BTBD9: variants seen among roughly 807,000 people sequenced by gnomAD.
BTBD9 encodes BTB/POZ domain-containing protein 9.
BTBD9 carries 49 observed loss-of-function variants against 64.3 expected under a neutral mutation model. The observed-to-expected ratio is 0.76, with a 90% confidence interval of 0.61 to 0.97. BTBD9 has a LOEUF of 0.97. Among genes scored for constraint, BTBD9 ranks in the 50% least tolerant of loss-of-function variants. The probability of loss-of-function intolerance (pLI) is 0.00; values close to 1 mark genes in which losing one functional copy is unlikely to be tolerated. For missense variants in BTBD9, 598 were observed against 762.1 expected (o/e 0.78, Z 2.53); for synonymous variants, 260 against 274.7 (o/e 0.95, Z 0.53).
rs554738560 is a variant in BTBD9, at chr6:38,228,385, CTATGGACTTTCGGTAT to C, written c.1562+28008_1562+28023del. ...AAAAAAAAAAAGAGAGAGAGTAAACCTATGGACTTTCGGTATTATGGACTTTGGGTACTATGATGTG... is the reference window on the plus strand; with the variant it reads ...AAAAAAAAAAAGAGAGAGAGTAAACCTATGGACTTTGGGTACTATGATGTG... On this transcript the variant is annotated intron_variant, in intron 9 of 10. Transcript: ENST00000481247. Among the ~76,000 whole-genome samples the C allele has an allele frequency of 6.6e-4, 88 of 132,490 alleles. 1 individual carries two copies. Among genetic ancestry groups the C allele is most frequent in the Non-Finnish European group, 4.6e-4 (29 of 63,694 alleles). The allele number at this position is 132,490 out of a possible 152,430, so 86.9% of individuals were successfully genotyped here. A position where few individuals can be genotyped will look rare whatever the true frequency, so the allele number is the denominator to read the frequency against.
At chr6:38,299,291 A>C (rs1164891605) in intron 7 of BTBD9, among the ~76,000 whole-genome samples, 2 of 152,126 alleles carry the variant, frequency 1.3e-5, no homozygotes, top group Non-Finnish European at 2.9e-5. Flanking sequence ...AGTCTTTGCT[A>C]TGGTGAATAG....
chr6:38,441,850 C>G (rs1769050140), intron 6 of BTBD9, among the ~76,000 whole-genome samples: 1 of 152,172 alleles, frequency 6.6e-6, no homozygotes, highest in Non-Finnish European at 1.5e-5. Flanking sequence ...ATGTTATCAA[C>G]AGTCCAATTT....
intron 4 of BTBD9, chr6:38,587,431 G>T: frequency 1.9e-6 from 1 of 539,174 alleles, no homozygotes; most frequent in South Asian, 1.5e-5. Context: ...TACTTATGAT[G>T]AATTAGTGCT....
intron 7 of BTBD9, among the ~76,000 whole-genome samples, chr6:38,306,806 A>G (rs1333670233): frequency 1.3e-5 from 2 of 152,332 alleles, no homozygotes; most frequent in East Asian, 3.9e-4. Flanking sequence ...ACCCACTTGA[A>G]GCAGATTTTG....
At chr6:38,550,895 T>C (rs1774770903) in intron 6 of BTBD9, among the ~76,000 whole-genome samples, 1 of 152,134 alleles carries the variant, frequency 6.6e-6, no homozygotes, top group Admixed American at 6.5e-5. Flanking sequence ...CCTGGCCCCA[T>C]TTCTTTTCTG....
intron 6 of BTBD9, among the ~76,000 whole-genome samples, chr6:38,511,757 A>T (rs1308847740): frequency 1.3e-5 from 2 of 152,186 alleles, no homozygotes; most frequent in East Asian, 3.9e-4. Flanking sequence ...TTTTTCTCAC[A>T]GATATGGAAA....
chr6:38,518,567 C>A (rs1393579456), intron 6 of BTBD9, among the ~76,000 whole-genome samples: 1 of 152,302 alleles, frequency 6.6e-6, no homozygotes, highest in Non-Finnish European at 1.5e-5. Flanking sequence ...AGTTTGAGCA[C>A]AAAGCTTATA....
intron 6 of BTBD9, among the ~76,000 whole-genome samples, chr6:38,483,602 A>G (rs112565755): frequency 5.7e-4 from 87 of 152,254 alleles, no homozygotes; most frequent in African/African-American, 1.4e-3. Context: ...GCTCCTGTCT[A>G]TCTGTCTGCC....
At chr6:38,498,422 A>C (rs1336428988) in intron 6 of BTBD9, among the ~76,000 whole-genome samples, 1 of 150,822 alleles carries the variant, frequency 6.6e-6, no homozygotes, top group Non-Finnish European at 1.5e-5. Context: ...ATATATTTCA[A>C]AATTTGTATG....
At chr6:38,276,454 A>T (rs1051730607) in intron 8 of BTBD9, among the ~76,000 whole-genome samples, 1 of 152,098 alleles carries the variant, frequency 6.6e-6, no homozygotes, top group African/African-American at 2.4e-5. Flanking sequence ...CATATGTAAC[A>T]AAGCTGCACA....
At chr6:38,449,682 A>G (rs1410542292) in intron 6 of BTBD9, among the ~76,000 whole-genome samples, 2 of 152,142 alleles carry the variant, frequency 1.3e-5, no homozygotes, top group Non-Finnish European at 2.9e-5. Context: ...AGGTAGGAGG[A>G]TTGCTTGGGC....
In BTBD9 at chr6:38,181,803, C is replaced by T. The variant is rs182785521; in HGVS notation, c.1642-6621G>A. ...AAGAGTTCGAGACCAGCCCGGCCGA[C>T]GTGTCAAAACCTGGTCTCTACTAAA... On this transcript the variant is annotated intron_variant, in intron 10 of 10. Transcript: ENST00000481247. Among the ~76,000 whole-genome samples the T allele has an allele frequency of 1.5e-4, 23 of 152,190 alleles. No individual in the cohort carries two copies. In the East Asian group the frequency reaches 3.9e-3, roughly 26 times the overall value.
intron 6 of BTBD9, among the ~76,000 whole-genome samples, chr6:38,560,955 T>C (rs1232869451): frequency 6.6e-6 from 1 of 152,252 alleles, no homozygotes; most frequent in Non-Finnish European, 1.5e-5. Context: ...GGTGTATATG[T>C]ACCACATTTT....
intron 7 of BTBD9, among the ~76,000 whole-genome samples, chr6:38,323,442 C>G (rs1214360662): frequency 6.6e-6 from 1 of 152,118 alleles, no homozygotes; most frequent in African/African-American, 2.4e-5. Context: ...CAGTGTGTCT[C>G]CATGGGGAAG....
At chr6:38,460,866 G>A (rs1014875016) in intron 6 of BTBD9, among the ~76,000 whole-genome samples, 2 of 152,012 alleles carry the variant, frequency 1.3e-5, no homozygotes, top group Admixed American at 6.6e-5. Flanking sequence ...CAGGTGATCC[G>A]CCCACCTTGG....
chr6:38,240,973 G>A (rs1763972870), intron 9 of BTBD9, among the ~76,000 whole-genome samples: 1 of 152,162 alleles, frequency 6.6e-6, no homozygotes, highest in Non-Finnish European at 1.5e-5. Context: ...CTAGATTAAT[G>A]TAGATTTGGG....
intron 1 of BTBD9, among the ~76,000 whole-genome samples, chr6:38,632,645 A>G (rs2127533936): frequency 6.6e-6 from 1 of 152,314 alleles, no homozygotes; most frequent in Non-Finnish European, 1.5e-5. Flanking sequence ...TACATAAAGA[A>G]GTGGGGCTGG....
At chr6:38,613,465 T>C (rs558693774) in intron 1 of BTBD9, among the ~76,000 whole-genome samples, 1 of 152,108 alleles carries the variant, frequency 6.6e-6, no homozygotes, top group East Asian at 1.9e-4. Context: ...CTACTAAAAA[T>C]ACAAAAATTA....
intron 6 of BTBD9, among the ~76,000 whole-genome samples, chr6:38,429,588 T>C (rs1385871182): frequency 1.3e-5 from 2 of 151,892 alleles, no homozygotes; most frequent in African/African-American, 4.9e-5. Context: ...AGAAACTCCA[T>C]CAAATACTTG....
Sources: gnomAD v4.1 joint callset for allele counts (sites outside exome capture counted in the v4.1 genomes callset) on GRCh38, gnomAD v4.1.1 for gene constraint, MANE v1.5 for transcripts, NCBI Gene and HGNC (gene_info 2026-07-23, HGNC 2026-07-21) for gene names.